The following DOC2B variants were observed in gnomAD, a reference collection of about 807,000 sequenced individuals.
DOC2B encodes double C2 domain beta.
DOC2B carries 21 observed loss-of-function variants against 28.9 expected under a neutral mutation model. The ratio of observed to expected loss-of-function variants is 0.73; its 90% CI spans 0.52 to 1.05. The LOEUF (loss-of-function observed/expected upper bound fraction) is 1.05, where lower values mean the gene tolerates loss of function less well. Among genes scored for constraint, DOC2B ranks in the 50% least tolerant of loss-of-function variants. The probability of loss-of-function intolerance (pLI) is 0.00; values close to 1 mark genes in which losing one functional copy is unlikely to be tolerated. For missense variants in DOC2B, 384 were observed against 421.1 expected (o/e 0.91, Z 0.77); for synonymous variants, 194 against 178.1 (o/e 1.09, Z -0.71).
chr17:172,480 T>A, intron 2 of DOC2B, 57 bp downstream of exon 2: 1 of 1,450,648 alleles, frequency 6.9e-7, no homozygotes, highest in Non-Finnish European at 9.4e-7. Context: ...CTCCCTGACC[T>A]AGGCCCTCTT....
At chr17:164,230 G>A in intron 2 of DOC2B, 26 bp from the exon 3 acceptor site, 2 of 1,517,646 alleles carry the variant, frequency 1.3e-6, no homozygotes, top group Non-Finnish European at 1.8e-6. Context: ...CAAACGGTGT[G>A]AACTGGAAAT....
chr17:168,667 G>C (rs1324923203), intron 2 of DOC2B, among the ~76,000 whole-genome samples: 11 of 124,286 alleles, frequency 8.9e-5, no homozygotes, highest in African/African-American at 1.8e-4. Flanking sequence ...GTCTGACACT[G>C]TTCTTGAGGT....
Position 147,571 on chromosome 17 carries a change from A to G in DOC2B, c.1109T>C (p.Val370Ala). 2.5e-6 allele frequency: 1 copy of G among 398,848 alleles called. No individual in the cohort carries two copies. The allele number at this position is 398,848 out of a possible 1,614,324, so 24.7% of individuals were successfully genotyped here. A position where few individuals can be genotyped will look rare whatever the true frequency, so the allele number is the denominator to read the frequency against. Residue 370 changes from valine (V) to alanine (A), a missense_variant, in exon 9 of 9, where the codon GTG becomes GCG. Physicochemically the swap from Val to Ala is moderately conservative, Grantham distance 64. Coordinates refer to ENST00000613549, the MANE Select transcript of DOC2B (RefSeq NM_003585.5). ...IGKSNDFIGG[V>A]VLGIHAKGER... ...CCCCTTGGCGTGGATGCCCAGAACC[A>G]CACCACCTGCAGGAGGACAGGAGGG...
In DOC2B at chr17:164,155, A is replaced by G; in HGVS notation, c.503T>C (p.Leu168Pro). 1 of 1,553,700 alleles carries G rather than the reference A, an allele frequency of 6.4e-7. No individual in the cohort carries two copies. Among genetic ancestry groups the G allele is most frequent in the Non-Finnish European group, 8.7e-7 (1 of 1,147,990 alleles). Residue 168 changes from leucine (L) to proline (P), a missense_variant, in exon 3 of 9, where the codon CTG becomes CCG. Transcript: ENST00000613549. ...HNGLADPYVK[L>P]HLLPGASKAN... ...CTTACTGGCTCCTGGCAGCAGGTGC[A>G]GCTTGACGTAGGGGTCTGCCAGCCC...
chr17:159,449 C>G (rs1313535997), intron 5 of DOC2B, among the ~76,000 whole-genome samples: 1 of 152,202 alleles, frequency 6.6e-6, no homozygotes, highest in African/African-American at 2.4e-5. Context: ...TATGGTGAAA[C>G]CCCATCTCTA....
rs2040004304 is a variant in DOC2B, at chr17:144,233, C to T, written c.*3208G>A. On this transcript the variant is annotated 3_prime_UTR_variant, in exon 9 of 9. Coordinates refer to ENST00000613549, the MANE Select transcript of DOC2B (RefSeq NM_003585.5). ...GCCCATTCGGGGTCAAAGGCAGAGC[C>T]GCTTCTGCAGCTTCTCAAAGCGTTG... 1 of 151,526 alleles carries T rather than the reference C, an allele frequency of 6.6e-6. No individual in the cohort carries two copies. The highest frequency in any genetic ancestry group is 2.4e-5 in the African/African-American group (1 of 41,146). 9.4% of individuals were successfully genotyped at this position (151,526 alleles called of 1,614,324 possible). A position where few individuals can be genotyped will look rare whatever the true frequency, so the allele number is the denominator to read the frequency against.
At chr17:175,407 T>C (rs979515701) in intron 1 of DOC2B, among the ~76,000 whole-genome samples, 1 of 152,250 alleles carries the variant, frequency 6.6e-6, no homozygotes, top group Non-Finnish European at 1.5e-5. Context: ...CCACTGCTCC[T>C]GCAGCAATGA....
At chr17:177,216 C>T (rs1387702568) in intron 1 of DOC2B, among the ~76,000 whole-genome samples, 2 of 152,164 alleles carry the variant, frequency 1.3e-5, no homozygotes, top group Non-Finnish European at 2.9e-5. Context: ...ATCATCCCTG[C>T]TTCCCAGGAG....
chr17:151,164 A>G (rs1567526587), intron 6 of DOC2B, among the ~76,000 whole-genome samples: 1 of 152,120 alleles, frequency 6.6e-6, no homozygotes, highest in Non-Finnish European at 1.5e-5. Context: ...CCAGCTATTC[A>G]CAGTGCTGAG....
intron 6 of DOC2B, among the ~76,000 whole-genome samples, chr17:153,854 G>A (rs1052872475): frequency 2.0e-5 from 3 of 151,692 alleles, no homozygotes; most frequent in Non-Finnish European, 2.9e-5. Flanking sequence ...TTGTGTTTTC[G>A]ACAGCTGTCC....
chr17:158,055 C>T (rs1328225750), intron 5 of DOC2B, among the ~76,000 whole-genome samples: 2 of 152,146 alleles, frequency 1.3e-5, no homozygotes, highest in African/African-American at 4.8e-5. Context: ...CATTCCTCAC[C>T]CTGGAGAAGC....
chr17:154,645 G>A (rs2040112699), intron 6 of DOC2B, among the ~76,000 whole-genome samples: 1 of 152,228 alleles, frequency 6.6e-6, no homozygotes, highest in Non-Finnish European at 1.5e-5. Flanking sequence ...GGAATTGCCA[G>A]ATCAAATGGT....
intron 1 of DOC2B, among the ~76,000 whole-genome samples, chr17:177,080 A>AAG (rs2040378639): frequency 6.6e-6 from 1 of 150,958 alleles, no homozygotes; most frequent in South Asian, 2.1e-4. Flanking sequence ...AATACTTTAA[A>AAG]AAAAACAAAA....
chr17:150,968 G>A (rs957345656), intron 6 of DOC2B, among the ~76,000 whole-genome samples: 1 of 152,172 alleles, frequency 6.6e-6, no homozygotes, highest in African/African-American at 2.4e-5. Flanking sequence ...GTCTGGAAAC[G>A]GCAACACCAT....
In DOC2B at chr17:143,251, AAG is replaced by A. The variant is rs2039996639; in HGVS notation, c.*4188_*4189del. 1.3e-5 allele frequency: 2 copies of A among 152,086 alleles called. No homozygotes were observed. Among genetic ancestry groups the A allele is most frequent in the African/African-American group, 2.4e-5 (1 of 41,392 alleles). The allele number at this position is 152,086 out of a possible 1,614,324, so 9.4% of individuals were successfully genotyped here. A position where few individuals can be genotyped will look rare whatever the true frequency, so the allele number is the denominator to read the frequency against. On this transcript the variant is annotated 3_prime_UTR_variant, in exon 9 of 9. Coordinates refer to ENST00000613549, the MANE Select transcript of DOC2B (RefSeq NM_003585.5). ...GCCTACCTCAAATGGGTCCCTGGTG[AAG>A]AGTAACAAGACTATATCCGGAGTAG...
intron 5 of DOC2B, among the ~76,000 whole-genome samples, chr17:156,894 G>A (rs1373965733): frequency 6.6e-6 from 1 of 152,242 alleles, no homozygotes; most frequent in Admixed American, 6.5e-5. Flanking sequence ...TTACTTTTTG[G>A]AATGGCAGAA....
chr17:152,585 C>A (rs904839332), intron 6 of DOC2B, among the ~76,000 whole-genome samples: 2 of 151,954 alleles, frequency 1.3e-5, no homozygotes, highest in Non-Finnish European at 2.9e-5. Flanking sequence ...CTGGCCAATA[C>A]GGCAAAACCC....
At chr17:176,315 T>C (rs1409008077) in intron 1 of DOC2B, among the ~76,000 whole-genome samples, 1 of 151,102 alleles carries the variant, frequency 6.6e-6, no homozygotes, top group Non-Finnish European at 1.5e-5. Flanking sequence ...CCCAAGTAGC[T>C]GGGACTACAG....
chr17:154,721 A>C (rs2151461224), intron 6 of DOC2B, among the ~76,000 whole-genome samples: 1 of 151,890 alleles, frequency 6.6e-6, no homozygotes, highest in Non-Finnish European at 1.5e-5. Flanking sequence ...CATTATTCTC[A>C]TATTATTTTT....
Sources: gnomAD v4.1 joint callset for allele counts (sites outside exome capture counted in the v4.1 genomes callset) on GRCh38, gnomAD v4.1.1 for gene constraint, MANE v1.5 for transcripts, NCBI Gene and HGNC (gene_info 2026-07-23, HGNC 2026-07-21) for gene names.